The following ELFN2 variants were observed in gnomAD, a reference collection of about 807,000 sequenced individuals.
ELFN2 encodes protein phosphatase 1 regulatory subunit 29.
Under a neutral mutation model 45.5 loss-of-function variants are expected in ELFN2, and 17 were observed. That is an observed-to-expected ratio of 0.37 (90% CI 0.26 to 0.56). The LOEUF (loss-of-function observed/expected upper bound fraction) is 0.56. ELFN2 is among the 20% of genes least tolerant of loss of function. The pLI is 0.77. For synonymous variants in ELFN2, 550 were observed against 551.5 expected, an observed-to-expected ratio of 1.00 and a Z score of 0.04; for missense variants, 922 against 1,183.2, an observed-to-expected ratio of 0.78 and a Z score of 3.24.
At chr22:37,376,329 A>T (rs1164076561) in intron 2 of ELFN2, among the ~76,000 whole-genome samples, 1 of 151,996 alleles carries the variant, frequency 6.6e-6, no homozygotes, top group African/African-American at 2.4e-5. Context: ...GGCCATGCTC[A>T]TCCCCCTACC....
At chr22:37,391,473 G>T (rs958434696) in intron 2 of ELFN2, among the ~76,000 whole-genome samples, 3 of 152,144 alleles carry the variant, frequency 2.0e-5, no homozygotes, top group African/African-American at 7.2e-5. Context: ...CACCCGCTGT[G>T]TGCCAGGCCC....
chr22:37,342,411 G>T (rs867369016), intron 2 of ELFN2, among the ~76,000 whole-genome samples: 6 of 152,278 alleles, frequency 3.9e-5, no homozygotes, highest in Admixed American at 2.0e-4. Flanking sequence ...TTGCAGAGGA[G>T]GGGGAGAAGG....
At chr22:37,359,760 C>A (rs1479236435) in intron 1 of ELFN2, among the ~76,000 whole-genome samples, 8 of 152,346 alleles carry the variant, frequency 5.3e-5, no homozygotes, top group African/African-American at 1.9e-4. Flanking sequence ...TAAGAAGTTT[C>A]TCGGCTTTGC....
At chr22:37,382,539 G>GC (rs1488522661) in intron 2 of ELFN2, among the ~76,000 whole-genome samples, 2 of 129,126 alleles carry the variant, frequency 1.5e-5, no homozygotes, top group African/African-American at 3.0e-5. Flanking sequence ...CACCACGCTG[G>GC]CCTTTTTTTT....
At position 37,374,672 on chromosome 22, in the gene ELFN2, G is replaced by A. The variant is rs1346318921; in HGVS notation, c.863C>T (p.Ser288Leu). 6 of 1,612,180 alleles carry A rather than the reference G, an allele frequency of 3.7e-6. No individual in the cohort carries two copies. The highest frequency in any genetic ancestry group is 4.5e-5 in the East Asian group (2 of 44,844). Reference sequence around the variant, plus strand: ...CCCTGCCGACGCATCCGTGGTGGACGAGGCCGGCGGCTCCACCGAAAGGAT... The same window carrying A: ...CCCTGCCGACGCATCCGTGGTGGACAAGGCCGGCGGCTCCACCGAAAGGAT... The part of the protein sequence containing the change: ...DEILSVEPPA[S>L]STTDASAGPA... The change falls in exon 3 of 3, where the codon TCG (serine) becomes TTG (leucine). Residue 288 changes from serine (S) to leucine (L), a missense_variant. This residue lies in a region of ELFN2 where 358 missense variants were observed against 540.4 expected (regional missense o/e 0.66). Transcript: ENST00000402918.
intron 2 of ELFN2, among the ~76,000 whole-genome samples, chr22:37,410,696 C>T (rs1448243151): frequency 6.6e-6 from 1 of 152,204 alleles, no homozygotes; most frequent in Admixed American, 6.5e-5. Context: ...TCACCTAATC[C>T]CCATCACAGC....
intron 2 of ELFN2, among the ~76,000 whole-genome samples, chr22:37,401,523 G>T (rs1205316317): frequency 1.3e-5 from 2 of 152,202 alleles, no homozygotes; most frequent in East Asian, 3.9e-4. Flanking sequence ...TCCACTCCCA[G>T]CAGGGAGGGA....
At chr22:37,413,321 G>A (rs1025929428) in intron 2 of ELFN2, among the ~76,000 whole-genome samples, 5 of 151,930 alleles carry the variant, frequency 3.3e-5, no homozygotes, top group African/African-American at 1.2e-4. Flanking sequence ...ACAGCTGGCA[G>A]TGAAGTCTCC....
At chr22:37,410,970 C>T (rs76985795) in intron 2 of ELFN2, among the ~76,000 whole-genome samples, 200 of 152,280 alleles carry the variant, frequency 1.3e-3, no homozygotes, top group African/African-American at 4.3e-3. Context: ...AGAGGTGACT[C>T]TAGAAGGGCC....
intron 2 of ELFN2, among the ~76,000 whole-genome samples, chr22:37,396,565 G>A (rs962259954): frequency 3.3e-5 from 5 of 152,172 alleles, no homozygotes; most frequent in African/African-American, 1.2e-4. Context: ...CCAGGCCCCT[G>A]TCATGCAGCA....
At chr22:37,344,095 C>T (rs1930632539) in intron 1 of ELFN2, among the ~76,000 whole-genome samples, 1 of 117,570 alleles carries the variant, frequency 8.5e-6, no homozygotes, top group Non-Finnish European at 1.8e-5. Context: ...ACCCCACCTG[C>T]CCATGGCCCC....
intron 2 of ELFN2, among the ~76,000 whole-genome samples, chr22:37,400,114 G>A (rs1252536306): frequency 3.3e-5 from 5 of 152,282 alleles, no homozygotes; most frequent in Non-Finnish European, 1.5e-5. Flanking sequence ...GAGGGGCAAG[G>A]GAGTGCAAGG....
rs551967204 is a variant in ELFN2, at chr22:37,343,592, C to G, written n.149-889G>C. ...TGAGCCGAGCCTGTCTTGCTCCCTC[C>G]TCAGTGCTCCCGCTGCTCAGCCGTG... On this transcript the variant is annotated intron_variant and non_coding_transcript_variant, in intron 1 of 2. Transcript: ENST00000452946. Among the ~76,000 whole-genome samples the G allele has an allele frequency of 2.2e-3, 328 of 152,228 alleles. 3 individuals are homozygous for G. Among genetic ancestry groups the G allele is most frequent in the African/African-American group, 7.6e-3 (317 of 41,512 alleles).
downstream of ELFN2, among the ~76,000 whole-genome samples, chr22:37,367,356 G>C (rs1931228214): frequency 6.6e-6 from 1 of 152,234 alleles, no homozygotes; most frequent in Non-Finnish European, 1.5e-5. Context: ...GACCAGAGAG[G>C]ATCGCTTCCC....
intron 2 of ELFN2, among the ~76,000 whole-genome samples, chr22:37,415,744 C>G (rs1371121239): frequency 1.3e-5 from 2 of 152,168 alleles, no homozygotes; most frequent in African/African-American, 4.8e-5. Context: ...GGGTGGATCA[C>G]AAGGTCAGGA....
chr22:37,400,729 C>G (rs916204466), intron 2 of ELFN2, among the ~76,000 whole-genome samples: 108 of 152,324 alleles, frequency 7.1e-4, no homozygotes, highest in Non-Finnish European at 1.3e-3. Context: ...AACAGGAGTT[C>G]AAGAGTTTCC....
Position 37,376,067 on chromosome 22 carries a change from G to A in ELFN2, c.-462-71C>T, listed in dbSNP as rs111476028. On this transcript the variant is annotated intron_variant, in intron 2 of 2. Coordinates refer to ENST00000402918, the MANE Select transcript of ELFN2 (RefSeq NM_052906.5). ...CAGAGCAGCCCCGTCAAGCTCCAGC[G>A]CAGGCCCCCCATCCCTTCTCCACAC... 5.2e-3 allele frequency: 808 copies of A among 156,164 alleles called. 5 individuals are homozygous for A. The highest frequency in any genetic ancestry group is 0.019 in the African/African-American group (778 of 41,544). 9.7% of individuals were successfully genotyped at this position (156,164 alleles called of 1,614,324 possible).
Position 37,372,946 on chromosome 22 carries a change from GT to G in ELFN2, c.*125del. On this transcript the variant is annotated 3_prime_UTR_variant, in exon 3 of 3. Coordinates refer to ENST00000402918, the MANE Select transcript of ELFN2 (RefSeq NM_052906.5). The surrounding 1 kb of genome is among the most constrained non-coding windows in gnomAD (Gnocchi z 4.4). ...TGTGTGTGTGCGTGCGTGCGTGCGG[GT>G]CTGCATGTGCGTCCTCTCCTGGGCC... 1 of 1,072,656 alleles carries G rather than the reference GT, an allele frequency of 9.3e-7. No individual in the cohort carries two copies. Among genetic ancestry groups the G allele is most frequent in the Non-Finnish European group, 1.3e-6 (1 of 765,984 alleles). 66.4% of individuals were successfully genotyped at this position (1,072,656 alleles called of 1,614,324 possible).
chr22:37,380,659 T>TCACCATCCGTGTCATTGC (rs1267543395), intron 2 of ELFN2, among the ~76,000 whole-genome samples: 1 of 152,124 alleles, frequency 6.6e-6, no homozygotes, highest in Non-Finnish European at 1.5e-5. Context: ...GGTGTCATTG[T>TCACCATCCGTGTCATTGC]CACCATCCGT....
Sources: allele counts gnomAD v4.1 joint callset (sites outside exome capture counted in the v4.1 genomes callset), GRCh38; gene constraint gnomAD v4.1.1; regional missense constraint gnomAD v4.1.1; non-coding constraint Gnocchi (gnomAD v3.1); transcripts MANE v1.5; gene names NCBI Gene and HGNC (gene_info 2026-07-23, HGNC 2026-07-21).